Variants in KLHL29 observed in about 807,000 individuals in gnomAD.
The protein encoded by KLHL29 is kelch like family member 29.
In KLHL29, 21 loss-of-function variants were observed where a neutral mutation model predicts 80.4. That is an observed-to-expected ratio of 0.26 (90% CI 0.19 to 0.38). The LOEUF is 0.38. Among genes scored for constraint, KLHL29 ranks in the 10% least tolerant of loss-of-function variants. The pLI is 1.00. For missense variants in KLHL29, 867 were observed against 1,223.9 expected, an observed-to-expected ratio of 0.71 and a Z score of 4.35; for synonymous variants, 511 against 526.8, an observed-to-expected ratio of 0.97 and a Z score of 0.41.
chr2:23,389,009 TAAAATCCCAGTACTG>T (rs1666253723), intron 1 of KLHL29, among the ~76,000 whole-genome samples: 1 of 98,124 alleles, frequency 1.0e-5, no homozygotes, highest in Non-Finnish European at 2.3e-5. Context: ...TTTTTTTTTT[TAAAATCCCAGTACTG>T]TTATGGCTTA....
chr2:23,418,230 A>G (rs1477630368), intron 1 of KLHL29, among the ~76,000 whole-genome samples: 5 of 151,672 alleles, frequency 3.3e-5, no homozygotes, highest in African/African-American at 1.2e-4. Flanking sequence ...ACCCCATCCT[A>G]CCTGGACCCC....
chr2:23,629,304 T>C (rs1267602458), intron 3 of KLHL29, among the ~76,000 whole-genome samples: 1 of 151,892 alleles, frequency 6.6e-6, no homozygotes, highest in Non-Finnish European at 1.5e-5. Flanking sequence ...AAAGGGAAAC[T>C]GATATCAGAG....
intron 2 of KLHL29, among the ~76,000 whole-genome samples, chr2:23,533,364 C>A (rs527670707): frequency 3.9e-5 from 6 of 152,142 alleles, no homozygotes; most frequent in African/African-American, 1.2e-4. Flanking sequence ...CATTCTACCC[C>A]CTTTGGAAAG....
intron 5 of KLHL29, among the ~76,000 whole-genome samples, chr2:23,660,500 G>A (rs1344468443): frequency 6.6e-6 from 1 of 152,230 alleles, no homozygotes. Context: ...TTCAAGCCCC[G>A]CCAGAGAGGC....
At chr2:23,519,234 A>G (rs967219745) in intron 2 of KLHL29, among the ~76,000 whole-genome samples, 1 of 151,852 alleles carries the variant, frequency 6.6e-6, no homozygotes, top group Non-Finnish European at 1.5e-5. Flanking sequence ...CCCGTCCACT[A>G]CCCCGTCATC....
At chr2:23,686,748 TGCATGGAA>T (rs1269706278) in intron 6 of KLHL29, among the ~76,000 whole-genome samples, 1 of 151,730 alleles carries the variant, frequency 6.6e-6, no homozygotes, top group Non-Finnish European at 1.5e-5. Context: ...GGCAGCCAGG[TGCATGGAA>T]CTGAACCCAG....
At chr2:23,460,966 C>A (rs987799206) in intron 1 of KLHL29, among the ~76,000 whole-genome samples, 2 of 152,204 alleles carry the variant, frequency 1.3e-5, no homozygotes, top group African/African-American at 4.8e-5. Flanking sequence ...AGATATCATA[C>A]CAAGTATCTT....
intron 1 of KLHL29, among the ~76,000 whole-genome samples, chr2:23,452,692 T>C (rs977010024): frequency 6.6e-6 from 1 of 152,194 alleles, no homozygotes; most frequent in Non-Finnish European, 1.5e-5. Context: ...GTATCTCTTA[T>C]ATACTGATAT....
chr2:23,469,598 G>C (rs1192014594), intron 1 of KLHL29, among the ~76,000 whole-genome samples: 1 of 152,174 alleles, frequency 6.6e-6, no homozygotes, highest in Non-Finnish European at 1.5e-5. Flanking sequence ...TCTGGAAGCA[G>C]TGTCTGATTT....
At chr2:23,484,878 C>T (rs1664887443) in intron 2 of KLHL29, among the ~76,000 whole-genome samples, 1 of 152,194 alleles carries the variant, frequency 6.6e-6, no homozygotes, top group African/African-American at 2.4e-5. Context: ...TCATATCCCA[C>T]CTTGGGGCAC....
At chr2:23,402,564 C>T (rs1666620955) in intron 1 of KLHL29, among the ~76,000 whole-genome samples, 1 of 152,112 alleles carries the variant, frequency 6.6e-6, no homozygotes, top group East Asian at 1.9e-4. Flanking sequence ...CATCCCCCAG[C>T]AGACTGCTCT....
intron 1 of KLHL29, among the ~76,000 whole-genome samples, chr2:23,404,465 T>TA (rs962051038): frequency 5.3e-5 from 8 of 152,062 alleles, no homozygotes; most frequent in African/African-American, 1.9e-4. Context: ...GTTTGAGATT[T>TA]AAAAAAAAGA....
intron 2 of KLHL29, among the ~76,000 whole-genome samples, chr2:23,524,612 G>T (rs1294349328): frequency 4.6e-5 from 7 of 152,226 alleles, no homozygotes; most frequent in Admixed American, 1.3e-4. Flanking sequence ...AACTCAGAGA[G>T]GGGGTGGGTG....
At chr2:23,456,699 C>T (rs1664063614) in intron 1 of KLHL29, among the ~76,000 whole-genome samples, 1 of 152,204 alleles carries the variant, frequency 6.6e-6, no homozygotes, top group African/African-American at 2.4e-5. Flanking sequence ...GCAGCGTTAT[C>T]GCTGCTGTGG....
intron 2 of KLHL29, among the ~76,000 whole-genome samples, chr2:23,540,246 C>T (rs1234760156): frequency 6.6e-6 from 1 of 152,258 alleles, no homozygotes; most frequent in Non-Finnish European, 1.5e-5. Context: ...CCGTGGTCCA[C>T]ACCTGCACTG....
intron 3 of KLHL29, among the ~76,000 whole-genome samples, chr2:23,606,189 G>GGAGAGAGA (rs757910245): frequency 7.1e-6 from 1 of 140,636 alleles, no homozygotes; most frequent in Non-Finnish European, 1.5e-5. Context: ...AGAGAGAGAG[G>GGAGAGAGA]GAGAGAGAGA....
intron 3 of KLHL29, among the ~76,000 whole-genome samples, chr2:23,620,999 G>A (rs1286583969): frequency 2.0e-5 from 3 of 152,258 alleles, no homozygotes; most frequent in Non-Finnish European, 4.4e-5. Context: ...CAGGGAGCCA[G>A]GCGGAAGGTC....
At chr2:23,592,010 G>A (rs908429657) in intron 3 of KLHL29, among the ~76,000 whole-genome samples, 1 of 152,266 alleles carries the variant, frequency 6.6e-6, no homozygotes, top group African/African-American at 2.4e-5. Context: ...ACAGGCATCT[G>A]CCGTGACTTG....
chr2:23,443,077 A>G (rs1168795362), intron 1 of KLHL29, among the ~76,000 whole-genome samples: 1 of 152,180 alleles, frequency 6.6e-6, no homozygotes, highest in Non-Finnish European at 1.5e-5. Flanking sequence ...AATTTTTATT[A>G]TGAAAAATTT....
Sources: allele counts gnomAD v4.1 joint callset (sites outside exome capture counted in the v4.1 genomes callset), GRCh38; gene constraint gnomAD v4.1.1; transcripts MANE v1.5; gene names NCBI Gene and HGNC (gene_info 2026-07-23, HGNC 2026-07-21).